TRIP11: variants seen among roughly 807,000 people sequenced by gnomAD.
TRIP11 encodes the protein thyroid hormone receptor interactor 11.
A neutral mutation model predicts 223.1 loss-of-function variants in TRIP11; 148 were observed. The ratio of observed to expected loss-of-function variants is 0.66; its 90% confidence interval spans 0.58 to 0.76. The LOEUF is 0.76. TRIP11 is among the 30% of genes least tolerant of loss of function. The pLI is 0.00. For synonymous variants in TRIP11, 762 were observed against 772.6 expected (o/e 0.99, Z 0.23); for missense variants, 2,043 against 2,222.0 (o/e 0.92, Z 1.62).
intron 16 of TRIP11, among the ~76,000 whole-genome samples, chr14:91,983,493 T>C (rs999525270): frequency 4.6e-5 from 7 of 152,238 alleles, no homozygotes; most frequent in African/African-American, 1.4e-4. Flanking sequence ...TATTGCTATA[T>C]CATTTACTTT....
At chr14:91,992,872 G>A (rs1184913473) in intron 15 of TRIP11, among the ~76,000 whole-genome samples, 2 of 116,166 alleles carry the variant, frequency 1.7e-5, no homozygotes, top group Non-Finnish European at 3.2e-5. Flanking sequence ...TCGCGCTACT[G>A]CACTCCAGCA....
intron 14 of TRIP11, among the ~76,000 whole-genome samples, chr14:91,994,708 T>C (rs1444337379): frequency 6.6e-6 from 1 of 152,224 alleles, no homozygotes; most frequent in Non-Finnish European, 1.5e-5. Flanking sequence ...CAATAATTAC[T>C]GAATGCATGA....
At chr14:92,012,955 G>A (rs1010839843) in intron 7 of TRIP11, among the ~76,000 whole-genome samples, 4 of 152,186 alleles carry the variant, frequency 2.6e-5, no homozygotes, top group Non-Finnish European at 5.9e-5. Flanking sequence ...AAGGAATCAT[G>A]GAGAACAGAG....
At position 92,025,515 on chromosome 14, in the gene TRIP11, C is replaced by A. The variant is rs185931289; in HGVS notation, c.202-95G>T. 892 of 812,906 alleles carry A rather than the reference C, an allele frequency of 1.1e-3. 11 individuals are homozygous for A. The highest frequency in any genetic ancestry group is 9.8e-3 in the African/African-American group (559 of 57,172). The allele number at this position is 812,906 out of a possible 1,614,324, so 50.4% of individuals were successfully genotyped here. A position where few individuals can be genotyped will look rare whatever the true frequency, so the allele number is the denominator to read the frequency against. Reference sequence around the variant, plus strand: ...TATGAAAAACGTACTGCTTTCCCCCCCCAAAAATGTCAAATATAAAAGGTC... The same window carrying A: ...TATGAAAAACGTACTGCTTTCCCCCACCAAAAATGTCAAATATAAAAGGTC... On this transcript the variant is annotated intron_variant, in intron 2 of 20. Coordinates refer to ENST00000267622, the MANE Select transcript of TRIP11 (RefSeq NM_004239.4).
In TRIP11 at chr14:92,005,060, A is replaced by G. The variant is rs1160135660; in HGVS notation, c.2916T>C (p.Ile972=). Residue 972 remains isoleucine, a synonymous_variant, in exon 11 of 21, where the codon ATT becomes ATC. Transcript: ENST00000267622. ...CATGCAACTGGGTTTTGATTTGTTC[A>G]ATTGTTTTTTGCAAACTCTTAATTT... ...DEEIKSLQKT[I]EQIKTQLHEE... 6.8e-6 allele frequency: 11 copies of G among 1,613,826 alleles called. No homozygotes were observed. Among genetic ancestry groups the G allele is most frequent in the Non-Finnish European group, 8.5e-6 (10 of 1,180,024 alleles).
At position 92,021,743 on chromosome 14, in the gene TRIP11, C is replaced by T. The variant is rs2057117753; in HGVS notation, c.401G>A (p.Gly134Glu). 2 of 1,613,994 alleles carry T rather than the reference C, an allele frequency of 1.2e-6. No homozygotes were observed. Among genetic ancestry groups the T allele is most frequent in the African/African-American group, 1.3e-5 (1 of 74,888 alleles). Reference sequence around the variant, plus strand: ...TGCAGTGGTTGCTGGTACACCAGCTCCTGAAGGTACTGACTGAGCAGCTGA... The same window carrying T: ...TGCAGTGGTTGCTGGTACACCAGCTTCTGAAGGTACTGACTGAGCAGCTGA... ...LQSAAQSVPSGAGVPATTASS... is the reference protein window; with the variant it reads ...LQSAAQSVPSEAGVPATTASS... Residue 134 changes from glycine to glutamate, a missense_variant, in exon 4 of 21, where the codon GGA (glycine) becomes GAA (glutamate). Coordinates refer to ENST00000267622, the MANE Select transcript of TRIP11 (RefSeq NM_004239.4).
At position 91,968,666 on chromosome 14, in the gene TRIP11, T is replaced by C. The variant is rs947705316; in HGVS notation, c.*1007A>G. ...AAAACTAAGTGATATATCTGCACTA[T>C]ATGCTCAACAATAAAAAGGAACAAA... is the stretch of plus-strand genomic sequence containing the variant. On this transcript the variant is annotated 3_prime_UTR_variant, in exon 21 of 21. Transcript: ENST00000267622. 62 of 226,404 alleles carry C rather than the reference T, an allele frequency of 2.7e-4. No homozygotes were observed. The highest frequency in any genetic ancestry group is 4.8e-4 in the Non-Finnish European group (54 of 113,256). The allele number at this position is 226,404 out of a possible 1,614,324, so 14.0% of individuals were successfully genotyped here. A position where few individuals can be genotyped will look rare whatever the true frequency, so the allele number is the denominator to read the frequency against.
chr14:91,976,079 T>C (rs760081256), intron 17 of TRIP11, 29 bp downstream of exon 17: 6 of 1,600,068 alleles, frequency 3.7e-6, no homozygotes, highest in Middle Eastern at 1.7e-4. Flanking sequence ...TTCCACAAAA[T>C]ATACAAACAT....
At position 92,015,759 on chromosome 14, in the gene TRIP11, G is replaced by A. The variant is rs1023330831; in HGVS notation, c.760C>T (p.His254Tyr). 1.2e-6 allele frequency: 2 copies of A among 1,613,516 alleles called. No individual in the cohort carries two copies. The highest frequency in any genetic ancestry group is 8.5e-7 in the Non-Finnish European group (1 of 1,179,798). The change falls in exon 6 of 21, where the codon CAT becomes TAT. Residue 254 changes from histidine to tyrosine, a missense_variant. Transcript: ENST00000267622. ...QQKLTEISRR[H>Y]REELSDYEER... ...TCATAGTCACTTAATTCTTCTCGAT[G>A]TCGTCGACTTATTTCTGTCAATTTC...
At chr14:92,001,334 A>G (rs1230157789) in intron 11 of TRIP11, among the ~76,000 whole-genome samples, 1 of 151,128 alleles carries the variant, frequency 6.6e-6, no homozygotes, top group Non-Finnish European at 1.5e-5. Flanking sequence ...TAATATTAAC[A>G]CTTCTGGATA....
rs1170576215 is a variant in TRIP11 at position 91,977,292 on chromosome 14, ACTTTTT to A, written c.5261-1109_5261-1104del. 3 of 444,354 alleles carry A rather than the reference ACTTTTT, an allele frequency of 6.8e-6. No individual in the cohort carries two copies. In the East Asian group the frequency reaches 2.1e-4, roughly 32 times the overall value. The allele number at this position is 444,354 out of a possible 1,614,324, so 27.5% of individuals were successfully genotyped here. On this transcript the variant is annotated intron_variant, in intron 16 of 20. Transcript: ENST00000267622. ...TTTCAATTTTTATGAAGTCCAATGTACTTTTTCTTTTGTTGCTTGTGCTTTTGGTTT... is the reference window on the plus strand; with the variant it reads ...TTTCAATTTTTATGAAGTCCAATGTACTTTTGTTGCTTGTGCTTTTGGTTT...
At chr14:91,976,072 C>T (rs2056460223) in intron 17 of TRIP11, 36 bp downstream of exon 17, 2 of 1,594,476 alleles carry the variant, frequency 1.3e-6, no homozygotes, top group East Asian at 2.2e-5. Context: ...AAGTGATTTC[C>T]ACAAAATATA....
At chr14:92,009,746 A>G (rs1177247461) in intron 9 of TRIP11, among the ~76,000 whole-genome samples, 1 of 152,206 alleles carries the variant, frequency 6.6e-6, no homozygotes, top group Non-Finnish European at 1.5e-5. Flanking sequence ...ATATATACTA[A>G]TGTGGAAAGA....
At chr14:92,017,440 T>C (rs1052836690) in intron 5 of TRIP11, among the ~76,000 whole-genome samples, 2 of 151,964 alleles carry the variant, frequency 1.3e-5, no homozygotes, top group Non-Finnish European at 2.9e-5. Flanking sequence ...CCCAGTTACA[T>C]GGGAAGCTGA....
At position 92,005,800 on chromosome 14, in the gene TRIP11, A is replaced by G; in HGVS notation, c.2176T>C (p.Cys726Arg). 1 of 1,614,056 alleles carries G rather than the reference A, an allele frequency of 6.2e-7. No homozygotes were observed. Among genetic ancestry groups the G allele is most frequent in the Non-Finnish European group, 8.5e-7 (1 of 1,180,006 alleles). Residue 726 changes from cysteine to arginine, a missense_variant, in exon 11 of 21, where the codon TGT (cysteine) becomes CGT (arginine). By Grantham distance (180) the Cys-to-Arg change is radical. Transcript: ENST00000267622. ...TCCAACAGCCTCTTTTTAGCCCAAC[A>G]CAATTCTGCCTCTATCTCTCCTTTT... ...MEKGEIEAELCWAKKRLLEEA... is the reference protein window; with the variant it reads ...MEKGEIEAELRWAKKRLLEEA...
At chr14:92,022,285 A>T (rs1028985110) in intron 3 of TRIP11, among the ~76,000 whole-genome samples, 1 of 152,224 alleles carries the variant, frequency 6.6e-6, no homozygotes, top group Middle Eastern at 3.2e-3. Context: ...GTAGGCTTAA[A>T]ATGCACCATG....
At chr14:91,983,013 G>A (rs1192343446) in intron 16 of TRIP11, among the ~76,000 whole-genome samples, 1 of 152,124 alleles carries the variant, frequency 6.6e-6, no homozygotes, top group South Asian at 2.1e-4. Context: ...CAGTTTCACA[G>A]GAATTCCTCC....
At position 92,037,591 on chromosome 14, in the gene TRIP11, A is replaced by G. The variant is rs1420187227; in HGVS notation, c.139+1956T>C. On this transcript the variant is annotated intron_variant, in intron 1 of 20. Transcript: ENST00000267622. This position sits in a 1 kb window ranked among gnomAD's most constrained non-coding sequence, Gnocchi z 4.2. ...ATGGCAACTAGAAAAGGTACATTGA[A>G]GGTCGGGTGCGGTGGCTCACGCCTG... 6.6e-6 allele frequency among the ~76,000 whole-genome samples: 1 copy of G among 152,222 alleles called. No individual in the cohort carries two copies. The highest frequency in any genetic ancestry group is 1.5e-5 in the Non-Finnish European group (1 of 68,044).
At chr14:92,011,154 G>T (rs2056967499) in intron 8 of TRIP11, 82 bp from the exon 9 acceptor site, 2 of 1,226,356 alleles carry the variant, frequency 1.6e-6, no homozygotes, top group Non-Finnish European at 2.4e-6. Context: ...ACAATTGTGT[G>T]TTTCTATTCA....
Sources: gnomAD v4.1 joint callset for allele counts (sites outside exome capture counted in the v4.1 genomes callset) on GRCh38, gnomAD v4.1.1 for gene constraint, Gnocchi (gnomAD v3.1) non-coding constraint, MANE v1.5 for transcripts, NCBI Gene and HGNC (gene_info 2026-07-23, HGNC 2026-07-21) for gene names.